Variants in ANKS1B observed in about 807,000 individuals in gnomAD.
ANKS1B encodes ankyrin repeat and sterile alpha motif domain containing 1B, also known as ankyrin repeat and sterile alpha motif domain-containing protein 1B.
In ANKS1B, 36 loss-of-function variants were observed where a neutral mutation model predicts 148.3. That is an observed-to-expected ratio of 0.24 (90% CI 0.19 to 0.32). ANKS1B has a LOEUF of 0.32. Ranked by LOEUF, ANKS1B falls within the 10% of genes least tolerant of loss-of-function variation. The pLI is 1.00. For missense variants in ANKS1B, 1,157 were observed against 1,542.6 expected (o/e 0.75, Z 4.19); for synonymous variants, 542 against 560.8 (o/e 0.97, Z 0.47).
At chr12:98,797,052 A>G (rs1204724411) in intron 22 of ANKS1B, among the ~76,000 whole-genome samples, 1 of 152,214 alleles carries the variant, frequency 6.6e-6, no homozygotes, top group East Asian at 1.9e-4. Flanking sequence ...GAGATGCCCA[A>G]TTAATTTATT....
At chr12:99,852,191 G>A in intron 1 of ANKS1B, among the ~76,000 whole-genome samples, 1 of 152,144 alleles carries the variant, frequency 6.6e-6, no homozygotes, top group East Asian at 1.9e-4. Flanking sequence ...CACCTTACGG[G>A]TTTTCTCATA....
At chr12:98,891,792 A>C (rs1267545293) in intron 17 of ANKS1B, among the ~76,000 whole-genome samples, 2 of 152,234 alleles carry the variant, frequency 1.3e-5, no homozygotes, top group African/African-American at 4.8e-5. Flanking sequence ...TATTAAATTA[A>C]ATAGCAAACA....
intron 15 of ANKS1B, among the ~76,000 whole-genome samples, chr12:99,115,980 G>A (rs903295633): frequency 2.3e-4 from 34 of 150,790 alleles, no homozygotes; most frequent in Non-Finnish European, 4.3e-4. Flanking sequence ...GATTGCCTGT[G>A]TGGAATCCTG....
At chr12:99,055,380 C>G (rs1344548659) in intron 16 of ANKS1B, among the ~76,000 whole-genome samples, 2 of 152,186 alleles carry the variant, frequency 1.3e-5, no homozygotes, top group Admixed American at 6.5e-5. Context: ...ACCACTCCAG[C>G]AGCAGATACT....
chr12:99,764,515 C>T (rs893267103), intron 8 of ANKS1B, among the ~76,000 whole-genome samples: 12 of 152,084 alleles, frequency 7.9e-5, no homozygotes, highest in Non-Finnish European at 1.2e-4. Context: ...CTCCACCTCC[C>T]GGGTTCAAGT....
chr12:98,903,212 T>C (rs1027112831), intron 17 of ANKS1B, among the ~76,000 whole-genome samples: 104 of 152,192 alleles, frequency 6.8e-4, no homozygotes, highest in Non-Finnish European at 1.3e-3. Context: ...TGGCCATTGT[T>C]TTTTCCTGCT....
chr12:99,670,376 T>C (rs2098531380), intron 8 of ANKS1B, among the ~76,000 whole-genome samples: 1 of 152,172 alleles, frequency 6.6e-6, no homozygotes, highest in African/African-American at 2.4e-5. Context: ...ATTCAATTAA[T>C]TTTTTGCATC....
At chr12:98,948,384 T>TG (rs952510180) in intron 17 of ANKS1B, among the ~76,000 whole-genome samples, 3 of 152,090 alleles carry the variant, frequency 2.0e-5, no homozygotes, top group African/African-American at 7.2e-5. Context: ...AAGCAAACAG[T>TG]GGGGGGACCT....
Position 98,801,196 on chromosome 12 carries a change from C to T in ANKS1B, c.3142-71G>A. On this transcript the variant is annotated intron_variant, in intron 20 of 26. Transcript: ENST00000683438. The surrounding 1 kb of genome is among the most constrained non-coding windows in gnomAD (Gnocchi z 5.2). ...GTTCATTCCCTGTAGCTACCCTGAG[C>T]TCACCTTACACACAGGTGCTGTGAA... The T allele has an allele frequency of 6.5e-7, 1 of 1,544,690 alleles. No homozygotes were observed. The highest frequency in any genetic ancestry group is 8.8e-7 in the Non-Finnish European group (1 of 1,132,060).
intron 17 of ANKS1B, among the ~76,000 whole-genome samples, chr12:98,842,148 T>C (rs986928701): frequency 2.6e-5 from 4 of 152,232 alleles, no homozygotes; most frequent in African/African-American, 9.6e-5. Context: ...TTATTCATAA[T>C]AGCTAAAAAT....
chr12:98,817,573 T>C (rs1436017125), intron 19 of ANKS1B, among the ~76,000 whole-genome samples: 1 of 152,222 alleles, frequency 6.6e-6, no homozygotes, highest in Admixed American at 6.5e-5. Flanking sequence ...TCTCACCTCT[T>C]GAGTGAGTTT....
At chr12:99,957,158 A>AT (rs2095337084) in intron 1 of ANKS1B, among the ~76,000 whole-genome samples, 1 of 152,210 alleles carries the variant, frequency 6.6e-6, no homozygotes, top group Admixed American at 6.5e-5. Context: ...AGGAGACGAT[A>AT]TATCTATACA....
chr12:99,418,216 T>C (rs2094966011), intron 11 of ANKS1B, among the ~76,000 whole-genome samples: 1 of 152,204 alleles, frequency 6.6e-6, no homozygotes, highest in Non-Finnish European at 1.5e-5. Flanking sequence ...AAAGCAATTT[T>C]ATCTCTAGTA....
intron 14 of ANKS1B, among the ~76,000 whole-genome samples, chr12:99,217,833 G>A (rs2084458717): frequency 6.6e-6 from 1 of 152,088 alleles, no homozygotes; most frequent in African/African-American, 2.4e-5. Flanking sequence ...CTAAAAAGAG[G>A]TTGTATTATT....
intron 12 of ANKS1B, among the ~76,000 whole-genome samples, chr12:99,271,730 G>GT (rs1171276374): frequency 7.1e-6 from 1 of 140,044 alleles, no homozygotes; most frequent in African/African-American, 2.7e-5. Flanking sequence ...CTTAAAACTA[G>GT]TTTGTCGAAG....
chr12:99,122,602 C>A (rs1188947906), intron 15 of ANKS1B, among the ~76,000 whole-genome samples: 1 of 152,118 alleles, frequency 6.6e-6, no homozygotes, highest in Non-Finnish European at 1.5e-5. Flanking sequence ...AGACAACAAA[C>A]AAAATACATG....
chr12:99,982,356 G>C (rs985906380), intron 1 of ANKS1B, among the ~76,000 whole-genome samples: 1 of 150,020 alleles, frequency 6.7e-6, no homozygotes, highest in Non-Finnish European at 1.5e-5. Context: ...AAAAATCACA[G>C]CTGGGAAAGG....
intron 15 of ANKS1B, among the ~76,000 whole-genome samples, chr12:99,090,827 A>G (rs2053752338): frequency 6.6e-6 from 1 of 152,144 alleles, no homozygotes; most frequent in Non-Finnish European, 1.5e-5. Context: ...TTCCTCTGTC[A>G]GTGTTGGAAC....
intron 17 of ANKS1B, among the ~76,000 whole-genome samples, chr12:98,990,802 C>G (rs2099926190): frequency 6.6e-6 from 1 of 152,172 alleles, no homozygotes; most frequent in Non-Finnish European, 1.5e-5. Context: ...GTTAGGTAAG[C>G]ACTAGGGTGG....
Sources: allele counts gnomAD v4.1 joint callset (sites outside exome capture counted in the v4.1 genomes callset), GRCh38; gene constraint gnomAD v4.1.1; non-coding constraint Gnocchi (gnomAD v3.1); transcripts MANE v1.5; gene names NCBI Gene and HGNC (gene_info 2026-07-23, HGNC 2026-07-21).